The following CSMD2 variants were observed in gnomAD, a reference collection of about 807,000 sequenced individuals.
CSMD2 encodes the protein CUB and Sushi multiple domains 2, also known as CUB and sushi domain-containing protein 2.
In CSMD2, 130 loss-of-function variants were observed where a neutral mutation model predicts 398.5. That is an observed-to-expected ratio of 0.33 (90% CI 0.28 to 0.38). CSMD2 has a LOEUF of 0.38. Ranked by LOEUF, CSMD2 falls within the 10% of genes least tolerant of loss-of-function variation. CSMD2 has a pLI of 1.00. For missense variants in CSMD2, 3,829 were observed against 4,764.9 expected, an observed-to-expected ratio of 0.80 and a Z score of 5.78; for synonymous variants, 1,828 against 1,908.5, an observed-to-expected ratio of 0.96 and a Z score of 1.10.
At chr1:33,587,013 G>T in intron 45 of CSMD2, 75 bp downstream of exon 45, 1 of 1,206,182 alleles carries the variant, frequency 8.3e-7, no homozygotes, top group South Asian at 1.4e-5. Context: ...CCACTGGCCC[G>T]ACAGCTCCCC....
intron 2 of CSMD2, among the ~76,000 whole-genome samples, chr1:34,059,084 T>C (rs971014854): frequency 6.6e-6 from 1 of 152,146 alleles, no homozygotes; most frequent in Non-Finnish European, 1.5e-5. Flanking sequence ...AGGACACAAG[T>C]AAGTGAGCAA....
At chr1:33,926,678 T>C (rs1179224877) in intron 4 of CSMD2, among the ~76,000 whole-genome samples, 1 of 152,178 alleles carries the variant, frequency 6.6e-6, no homozygotes, top group South Asian at 2.1e-4. Flanking sequence ...CCTAAAATAT[T>C]CATTTACACT....
At chr1:33,985,799 T>C (rs1646340058) in intron 3 of CSMD2, among the ~76,000 whole-genome samples, 1 of 152,110 alleles carries the variant, frequency 6.6e-6, no homozygotes, top group Non-Finnish European at 1.5e-5. Context: ...TGTGCTCCCT[T>C]TCAAGCCTCC....
intron 9 of CSMD2, chr1:33,813,181 C>T: frequency 6.6e-6 from 1 of 152,208 alleles, no homozygotes. Context: ...TCTGTTGAAA[C>T]ATGCTGAAGG....
intron 13 of CSMD2, among the ~76,000 whole-genome samples, chr1:33,750,008 T>C (rs1422787176): frequency 6.6e-6 from 1 of 152,176 alleles, no homozygotes; most frequent in Non-Finnish European, 1.5e-5. Context: ...AAATCCTTCA[T>C]GCAAAGTGCT....
At chr1:34,014,526 A>G (rs1647810676) in intron 3 of CSMD2, among the ~76,000 whole-genome samples, 1 of 152,230 alleles carries the variant, frequency 6.6e-6, no homozygotes, top group Admixed American at 6.5e-5. Context: ...GAGCCTGGGA[A>G]TTCCCCAGTA....
chr1:33,864,788 C>A (rs762271405), intron 5 of CSMD2: 2 of 1,533,986 alleles, frequency 1.3e-6, no homozygotes, highest in African/African-American at 1.4e-5. Flanking sequence ...GCCATTCAAC[C>A]GTATTTCCTG....
chr1:33,570,585 T>C (rs765209761), intron 51 of CSMD2, among the ~76,000 whole-genome samples: 24 of 152,146 alleles, frequency 1.6e-4, no homozygotes, highest in Non-Finnish European at 2.5e-4. Context: ...ATTGGTCACA[T>C]AAATATGATG....
chr1:33,644,915 A>G (rs1643331551), intron 29 of CSMD2, among the ~76,000 whole-genome samples: 1 of 152,204 alleles, frequency 6.6e-6, no homozygotes. Context: ...CCGTGAGGCA[A>G]GAAGACTACA....
intron 12 of CSMD2, among the ~76,000 whole-genome samples, chr1:33,776,079 T>C (rs938985155): frequency 6.6e-5 from 10 of 152,040 alleles, no homozygotes; most frequent in African/African-American, 2.4e-4. Flanking sequence ...CTAGAGAAAT[T>C]AGGTAGCAGC....
intron 6 of CSMD2, among the ~76,000 whole-genome samples, chr1:33,845,971 C>T (rs1044354765): frequency 6.6e-6 from 1 of 152,226 alleles, no homozygotes; most frequent in Non-Finnish European, 1.5e-5. Flanking sequence ...TATAAGCTTG[C>T]TGTCTATTCT....
intron 15 of CSMD2, among the ~76,000 whole-genome samples, chr1:33,733,210 G>A (rs1418560658): frequency 6.6e-6 from 1 of 152,188 alleles, no homozygotes; most frequent in Non-Finnish European, 1.5e-5. Context: ...TGCCTCTGGA[G>A]TTACTCAGCC....
At chr1:34,134,387 T>C (rs1207531540) in intron 1 of CSMD2, among the ~76,000 whole-genome samples, 1 of 152,250 alleles carries the variant, frequency 6.6e-6, no homozygotes, top group Non-Finnish European at 1.5e-5. Context: ...GAAAACTTCA[T>C]ATTTTCATTT....
Position 33,519,986 on chromosome 1 carries a change from GAC to G in CSMD2, c.10598-38_10598-37del. On this transcript the variant is annotated intron_variant, in intron 68 of 70. Transcript: ENST00000373381. The surrounding 1 kb of genome is among the most constrained non-coding windows in gnomAD (Gnocchi z 5.6). ...CCAAAGCAGAAAAGTCAAGTCACGA[GAC>G]ACAGTCTGAGGCTCCGTTGGCTACC... 1 of 1,611,378 alleles carries G rather than the reference GAC, an allele frequency of 6.2e-7. No homozygotes were observed. Among genetic ancestry groups the G allele is most frequent in the Non-Finnish European group, 8.5e-7 (1 of 1,177,948 alleles).
chr1:33,859,597 A>C (rs1219223081), intron 5 of CSMD2, among the ~76,000 whole-genome samples: 1 of 152,234 alleles, frequency 6.6e-6, no homozygotes, highest in Non-Finnish European at 1.5e-5. Context: ...GCATCTTTGG[A>C]GAGGCATTCT....
intron 44 of CSMD2, among the ~76,000 whole-genome samples, chr1:33,589,835 G>A (rs1639310230): frequency 6.6e-6 from 1 of 152,176 alleles, no homozygotes; most frequent in African/African-American, 2.4e-5. Context: ...GTTGACCTTA[G>A]CCGTTAATTA....
At chr1:33,558,339 GT>G in intron 54 of CSMD2, among the ~76,000 whole-genome samples, 1 of 152,288 alleles carries the variant, frequency 6.6e-6, no homozygotes, top group South Asian at 2.1e-4. Context: ...CTTGAACAGG[GT>G]TGGGCTCTTT....
chr1:33,718,608 A>G (rs879018812), intron 19 of CSMD2, among the ~76,000 whole-genome samples: 1 of 152,226 alleles, frequency 6.6e-6, no homozygotes, highest in African/African-American at 2.4e-5. Flanking sequence ...CAGTGTGGTC[A>G]GCACTGGGGG....
intron 5 of CSMD2, among the ~76,000 whole-genome samples, chr1:33,886,261 C>T (rs1337781483): frequency 6.6e-6 from 1 of 152,062 alleles, no homozygotes; most frequent in Non-Finnish European, 1.5e-5. Flanking sequence ...TTAGAAAGGT[C>T]ACACTGGACC....
Sources: gnomAD v4.1 joint callset for allele counts (sites outside exome capture counted in the v4.1 genomes callset) on GRCh38, gnomAD v4.1.1 for gene constraint, Gnocchi (gnomAD v3.1) non-coding constraint, MANE v1.5 for transcripts, NCBI Gene and HGNC (gene_info 2026-07-23, HGNC 2026-07-21) for gene names.